The following FBRSL1 variants were observed in gnomAD, a reference collection of about 807,000 sequenced individuals.
The protein encoded by FBRSL1 is fibrosin like 1, also known as fibrosin-1-like protein.
Under a neutral mutation model 89.6 loss-of-function variants are expected in FBRSL1, and 51 were observed. The observed-to-expected ratio is 0.57, with a 90% CI of 0.45 to 0.72. The LOEUF (loss-of-function observed/expected upper bound fraction) is 0.72. Among genes scored for constraint, FBRSL1 ranks in the 30% least tolerant of loss-of-function variants. The pLI is 0.00. For missense variants in FBRSL1, 1,618 were observed against 1,451.8 expected, an observed-to-expected ratio of 1.11 and a Z score of -1.86; for synonymous variants, 779 against 681.1, an observed-to-expected ratio of 1.14 and a Z score of -2.24.
chr12:132,502,557 C>G (rs1483155082), intron 1 of FBRSL1, among the ~76,000 whole-genome samples: 1 of 152,162 alleles, frequency 6.6e-6, no homozygotes, highest in Non-Finnish European at 1.5e-5. Flanking sequence ...CAGAGGGTGA[C>G]TGGGCAGCCT....
At chr12:132,563,863 C>A (rs1236003372) in intron 5 of FBRSL1, among the ~76,000 whole-genome samples, 1 of 82,442 alleles carries the variant, frequency 1.2e-5, no homozygotes, top group Non-Finnish European at 2.1e-5. Context: ...CACATACCTA[C>A]GACTGTACAC....
rs943969782 is a variant in FBRSL1 at position 132,583,469 on chromosome 12, G to A, written c.2700G>A (p.Gly900=). Residue 900 remains glycine (G), a synonymous_variant, in exon 19 of 19, where the codon GGG becomes GGA. Transcript: ENST00000680143. The part of the protein sequence containing the change: ...PHGYSPERLR[G]ELERARAPHL... ...GCTACAGCCCCGAGCGCCTGCGCGG[G>A]GAGCTGGAGCGCGCGCGGGCCCCGC... is the stretch of plus-strand genomic sequence containing the variant. 4 of 1,050,410 alleles carry A rather than the reference G, an allele frequency of 3.8e-6. No homozygotes were observed. Among genetic ancestry groups the A allele is most frequent in the Admixed American group, 5.9e-5 (1 of 16,990 alleles). The allele number at this position is 1,050,410 out of a possible 1,614,324, so 65.1% of individuals were successfully genotyped here.
At chr12:132,571,258 A>G (rs2039988934) in intron 9 of FBRSL1, 27 bp downstream of exon 9, 1 of 1,475,734 alleles carries the variant, frequency 6.8e-7, no homozygotes, top group Non-Finnish European at 9.1e-7. Context: ...CCCCGCCGGG[A>G]GCCCGCGGCC....
intron 2 of FBRSL1, among the ~76,000 whole-genome samples, chr12:132,522,602 G>C (rs777572074): frequency 6.6e-6 from 1 of 152,206 alleles, no homozygotes; most frequent in East Asian, 1.9e-4. Flanking sequence ...GGATACTGAC[G>C]TCACAGAAAC....
rs1442723813 is a variant in FBRSL1, at chr12:132,504,322, T to C, written c.292-3831T>C. Among the ~76,000 whole-genome samples, 7 of 152,172 alleles carry C rather than the reference T, an allele frequency of 4.6e-5. No individual in the cohort carries two copies. In the South Asian group the frequency reaches 1.2e-3, roughly 27 times the overall value. Reference sequence around the variant, plus strand: ...TGGTTCACTGTAGCGTGATTAGGAATGTTATTGGTGCTGTATGGTAATGAC... The same window carrying C: ...TGGTTCACTGTAGCGTGATTAGGAACGTTATTGGTGCTGTATGGTAATGAC... On this transcript the variant is annotated intron_variant, in intron 1 of 18. Transcript: ENST00000680143.
intron 18 of FBRSL1, 49 bp from the exon 19 acceptor site, chr12:132,582,922 C>T (rs1268600552): frequency 4.5e-6 from 6 of 1,323,656 alleles, no homozygotes; most frequent in South Asian, 1.7e-5. Context: ...CTGCGCCGCG[C>T]GGCAGGACGG....
chr12:132,582,147 C>G lies in FBRSL1; in HGVS notation c.2082C>G (p.His694Gln), dbSNP rs1467958210. 2.6e-6 allele frequency: 4 copies of G among 1,550,034 alleles called. No individual in the cohort carries two copies. Among genetic ancestry groups the G allele is most frequent in the Non-Finnish European group, 3.5e-6 (4 of 1,146,806 alleles). ...CCCATGAGGCCTGGAACCGACTGCA[C>G]CGGGCACCGCCCTCCTTCCCGGCTC... is the stretch of plus-strand genomic sequence containing the variant. ...PSPHEAWNRL[H>Q]RAPPSFPAPP... is the part of the protein sequence containing the mutation. The change falls in exon 18 of 19, where the codon CAC (histidine) becomes CAG (glutamine). Residue 694 changes from histidine to glutamine, a missense_variant. His to Gln is a conservative substitution (Grantham distance 24). Coordinates refer to ENST00000680143, the MANE Select transcript of FBRSL1 (RefSeq NM_001367871.1).
Position 132,497,325 on chromosome 12 carries a change from G to A in FBRSL1, c.291+6464G>A, listed in dbSNP as rs141647000. Among the ~76,000 whole-genome samples the A allele has an allele frequency of 4.4e-3, 664 of 152,212 alleles. 6 individuals carry two copies. Among genetic ancestry groups the A allele is most frequent in the African/African-American group, 0.015 (618 of 41,538 alleles). On this transcript the variant is annotated intron_variant, in intron 1 of 18. Transcript: ENST00000680143. ...ACCTCGCTAGGAGTGGAGGCTGGGG[G>A]AGAGGAGCCCGGGGTGGCCTGGCTG... is the stretch of plus-strand genomic sequence containing the variant.
At position 132,583,586 on chromosome 12, in the gene FBRSL1, C is replaced by T. The variant is rs1330715900; in HGVS notation, c.2817C>T (p.His939=). 7 of 999,764 alleles carry T rather than the reference C, an allele frequency of 7.0e-6. No individual in the cohort carries two copies. Among genetic ancestry groups the T allele is most frequent in the Admixed American group, 6.2e-5 (1 of 16,136 alleles). 61.9% of individuals were successfully genotyped at this position (999,764 alleles called of 1,614,324 possible). A position where few individuals can be genotyped will look rare whatever the true frequency, so the allele number is the denominator to read the frequency against. ...CGCGCCTCTCGCCCGCCGCGCTGCACAATGGGCTCCTGGCGCGGACCCCGC... is the reference window on the plus strand; with the variant it reads ...CGCGCCTCTCGCCCGCCGCGCTGCATAATGGGCTCCTGGCGCGGACCCCGC... ...HFPRLSPAAL[H]NGLLARTPPA... Residue 939 remains histidine (H), a synonymous_variant, in exon 19 of 19, where the codon CAC becomes CAT. Transcript: ENST00000680143.
chr12:132,491,065 C>T lies in FBRSL1; in HGVS notation c.291+204C>T, dbSNP rs955849005. ...CCGTCGCATCTGGAAGACCCAGCAGCGTCGGGTGGGTTTGGGGACGTTTTA... is the reference window on the plus strand; with the variant it reads ...CCGTCGCATCTGGAAGACCCAGCAGTGTCGGGTGGGTTTGGGGACGTTTTA... On this transcript the variant is annotated intron_variant, in intron 1 of 18. Transcript: ENST00000680143. Among the ~76,000 whole-genome samples the T allele has an allele frequency of 4.6e-5, 7 of 152,356 alleles. No homozygotes were observed. In the Middle Eastern group the frequency reaches 0.01, roughly 222 times the overall value.
chr12:132,513,076 T>C (rs1241787622), intron 2 of FBRSL1, among the ~76,000 whole-genome samples: 1 of 152,212 alleles, frequency 6.6e-6, no homozygotes, highest in African/African-American at 2.4e-5. Flanking sequence ...AATGCAGATT[T>C]CGTGTGGCCA....
rs2037664373 is a variant in FBRSL1, at chr12:132,546,106, C to T, written c.616-1897C>T. Reference sequence around the variant, plus strand: ...CGTGTTCTGGCATGTTCCTCCCCTCCCCTGCGCTCCCCGCAGGAGCTTGTG... The same window carrying T: ...CGTGTTCTGGCATGTTCCTCCCCTCTCCTGCGCTCCCCGCAGGAGCTTGTG... On this transcript the variant is annotated intron_variant, in intron 4 of 18. Coordinates refer to ENST00000680143, the MANE Select transcript of FBRSL1 (RefSeq NM_001367871.1). This position sits in a 1 kb window ranked among gnomAD's most constrained non-coding sequence, Gnocchi z 4.0. Among the ~76,000 whole-genome samples, 1 of 152,260 alleles carries T rather than the reference C, an allele frequency of 6.6e-6. No homozygotes were observed. Among genetic ancestry groups the T allele is most frequent in the Non-Finnish European group, 1.5e-5 (1 of 68,046 alleles).
intron 4 of FBRSL1, among the ~76,000 whole-genome samples, chr12:132,530,636 G>C (rs1019571054): frequency 1.3e-5 from 2 of 151,442 alleles, no homozygotes; most frequent in African/African-American, 4.9e-5. Context: ...TGTTTCCTGA[G>C]AAAGCCCGTT....
At chr12:132,573,874 C>T (rs1439942505) in intron 11 of FBRSL1, among the ~76,000 whole-genome samples, 1 of 152,186 alleles carries the variant, frequency 6.6e-6, no homozygotes. Context: ...GCCCACCTTC[C>T]CTGGCAAGAG....
At chr12:132,563,459 G>A (rs920668095) in intron 5 of FBRSL1, among the ~76,000 whole-genome samples, 3 of 151,946 alleles carry the variant, frequency 2.0e-5, no homozygotes, top group African/African-American at 7.2e-5. Flanking sequence ...CATGTCTGGG[G>A]TTTCTCATTC....
At chr12:132,523,244 T>C (rs1441688446) in intron 2 of FBRSL1, among the ~76,000 whole-genome samples, 1 of 152,142 alleles carries the variant, frequency 6.6e-6, no homozygotes, top group Non-Finnish European at 1.5e-5. Flanking sequence ...CCACCTTGGC[T>C]GTTTGAGGTC....
At chr12:132,505,776 G>A (rs887041796) in intron 1 of FBRSL1, among the ~76,000 whole-genome samples, 1 of 152,252 alleles carries the variant, frequency 6.6e-6, no homozygotes, top group African/African-American at 2.4e-5. Flanking sequence ...CACAGGGCCA[G>A]CCTTACCCTG....
At chr12:132,505,256 C>G (rs1454514909) in intron 1 of FBRSL1, among the ~76,000 whole-genome samples, 1 of 152,236 alleles carries the variant, frequency 6.6e-6, no homozygotes, top group Admixed American at 6.5e-5. Flanking sequence ...GCAGGGCCCC[C>G]ACCCGGAGCT....
At chr12:132,494,472 C>G (rs2031649752) in intron 1 of FBRSL1, among the ~76,000 whole-genome samples, 1 of 152,230 alleles carries the variant, frequency 6.6e-6, no homozygotes, top group Admixed American at 6.5e-5. Context: ...GCCAGGCCTG[C>G]TTAGCCCAGT....
Sources: allele counts gnomAD v4.1 joint callset (sites outside exome capture counted in the v4.1 genomes callset), GRCh38; gene constraint gnomAD v4.1.1; non-coding constraint Gnocchi (gnomAD v3.1); transcripts MANE v1.5; gene names NCBI Gene and HGNC (gene_info 2026-07-23, HGNC 2026-07-21).